The following XPNPEP3 variants were observed in gnomAD, a reference collection of about 807,000 sequenced individuals.
XPNPEP3 encodes xaa-Pro aminopeptidase 3.
XPNPEP3 carries 41 observed loss-of-function variants against 60.0 expected under a neutral mutation model. That is an observed-to-expected ratio of 0.68 (90% CI 0.53 to 0.89). The LOEUF (loss-of-function observed/expected upper bound fraction) is 0.89. Ranked by LOEUF, XPNPEP3 falls within the 40% of genes least tolerant of loss-of-function variation. The probability of loss-of-function intolerance (pLI) is 0.00; values close to 1 mark genes in which losing one functional copy is unlikely to be tolerated. For missense variants in XPNPEP3, 598 were observed against 638.9 expected (o/e 0.94, Z 0.69); for synonymous variants, 212 against 223.2 (o/e 0.95, Z 0.45).
At chr22:40,893,505 CAAAAAAAAAAA>C (rs764114832) in intron 4 of XPNPEP3, among the ~76,000 whole-genome samples, 4 of 40,252 alleles carry the variant, frequency 9.9e-5, no homozygotes, top group East Asian at 7.9e-4. Context: ...AACTCTATCT[CAAAAAAAAAAA>C]AAAAAAAAAA....
chr22:40,918,270 A>G (rs919494465), intron 7 of XPNPEP3, among the ~76,000 whole-genome samples: 4 of 152,096 alleles, frequency 2.6e-5, no homozygotes, highest in Non-Finnish European at 4.4e-5. Flanking sequence ...GCTACTTAGG[A>G]TGCTGAGGTG....
chr22:40,886,239 G>T lies in XPNPEP3; in HGVS notation c.590-74G>T. 11 of 1,480,602 alleles carry T rather than the reference G, an allele frequency of 7.4e-6. No individual in the cohort carries two copies. The South Asian group carries it at 1.2e-4, about 17-fold the overall frequency. 91.7% of individuals were successfully genotyped at this position (1,480,602 alleles called of 1,614,324 possible). A position where few individuals can be genotyped will look rare whatever the true frequency, so the allele number is the denominator to read the frequency against. On this transcript the variant is annotated intron_variant, in intron 3 of 9. Transcript: ENST00000357137. The stretch of plus-strand genomic sequence containing the variant: ...TTTTATAGTTTTGACTCTTGTTCAA[G>T]TCGTTATGACAGTTGATATTTCTTG...
chr22:40,907,164 G>A (rs1297769158), intron 4 of XPNPEP3: 1 of 457,466 alleles, frequency 2.2e-6, no homozygotes, highest in Admixed American at 2.3e-5. Flanking sequence ...GCTCACGCCT[G>A]TATTCCCATC....
chr22:40,909,102 C>T lies in XPNPEP3; in HGVS notation c.856-20C>T, dbSNP rs1044799883. On this transcript the variant is annotated intron_variant, in intron 5 of 9. Transcript: ENST00000357137. Reference sequence around the variant, plus strand: ...GCCCTACAGAAACCCTTTGTCATACCTTGCTGTTGTTTTTCACAGTTTGAA... The same window carrying T: ...GCCCTACAGAAACCCTTTGTCATACTTTGCTGTTGTTTTTCACAGTTTGAA... The T allele has an allele frequency of 1.2e-6, 2 of 1,611,472 alleles. No homozygotes were observed. Among genetic ancestry groups the T allele is most frequent in the Admixed American group, 1.7e-5 (1 of 59,984 alleles).
chr22:40,891,129 G>A (rs1451247786), intron 4 of XPNPEP3, among the ~76,000 whole-genome samples: 2 of 136,676 alleles, frequency 1.5e-5, no homozygotes, highest in East Asian at 4.3e-4. Context: ...GATCACTTGA[G>A]CCCAGGAGTT....
chr22:40,925,226 A>G (rs2146282820), intron 9 of XPNPEP3, among the ~76,000 whole-genome samples: 1 of 152,368 alleles, frequency 6.6e-6, no homozygotes, highest in East Asian at 1.9e-4. Context: ...TAAGCTTCAG[A>G]GAAAGCTAAC....
chr22:40,901,618 A>C (rs1353498638), intron 4 of XPNPEP3, among the ~76,000 whole-genome samples: 1 of 152,112 alleles, frequency 6.6e-6, no homozygotes, highest in Non-Finnish European at 1.5e-5. Flanking sequence ...AGGCGGAGCT[A>C]CTTGCGCTAC....
chr22:40,929,617 G>C lies in XPNPEP3; in HGVS notation c.*3182G>C, dbSNP rs1177509336. 6.6e-6 allele frequency: 1 copy of C among 152,160 alleles called. No individual in the cohort carries two copies. Among genetic ancestry groups the C allele is most frequent in the Non-Finnish European group, 1.5e-5 (1 of 68,040 alleles). 9.4% of individuals were successfully genotyped at this position (152,160 alleles called of 1,614,324 possible). ...TCAAGTTCTATAGGTGTTATTGGTA[G>C]GCAGAAAGGCTGTTGTAGAATTCTT... On this transcript the variant is annotated 3_prime_UTR_variant, in exon 10 of 10. Coordinates refer to ENST00000357137, the MANE Select transcript of XPNPEP3 (RefSeq NM_022098.4).
Position 40,869,070 on chromosome 22 carries a change from T to C in XPNPEP3, c.136T>C (p.Leu46=). The C allele has an allele frequency of 6.2e-7, 1 of 1,614,096 alleles. No homozygotes were observed. The highest frequency in any genetic ancestry group is 8.5e-7 in the Non-Finnish European group (1 of 1,179,960). ...AGAAAGGAGGATTCCAAACCGATAC[T>C]TAGGCCAGCCCAGCCCCTTTACACA... is the stretch of plus-strand genomic sequence containing the variant. ...VPERRIPNRY[L]GQPSPFTHPH... is the part of the protein sequence containing the mutation. Residue 46 remains leucine (L), a synonymous_variant, in exon 2 of 10, where the codon TTA becomes CTA. Coordinates refer to ENST00000357137, the MANE Select transcript of XPNPEP3 (RefSeq NM_022098.4).
chr22:40,870,236 T>G, intron 2 of XPNPEP3: 1 of 294,350 alleles, frequency 3.4e-6, no homozygotes, highest in Non-Finnish European at 6.8e-6. Flanking sequence ...GTAGAATTGA[T>G]AGTTTTACCA....
intron 4 of XPNPEP3, among the ~76,000 whole-genome samples, chr22:40,900,818 A>G (rs1449712089): frequency 1.3e-5 from 2 of 152,000 alleles, no homozygotes; most frequent in African/African-American, 4.8e-5. Flanking sequence ...CTGTAATTTC[A>G]GCTACTCACG....
At chr22:40,904,263 A>G (rs999813767) in intron 4 of XPNPEP3, among the ~76,000 whole-genome samples, 3 of 152,230 alleles carry the variant, frequency 2.0e-5, no homozygotes, top group Non-Finnish European at 4.4e-5. Context: ...CTGTAAAGAA[A>G]TTGACTCATA....
rs909058295 is a variant in XPNPEP3 at position 40,863,209 on chromosome 22, C to T, written c.65-5790C>T. 2.0e-5 allele frequency among the ~76,000 whole-genome samples: 3 copies of T among 152,290 alleles called. No homozygotes were observed. The East Asian group carries it at 5.8e-4, about 29-fold the overall frequency. On this transcript the variant is annotated intron_variant, in intron 1 of 9. Transcript: ENST00000357137. ...GATGTGATTTACATTTGTAATGGAT[C>T]AGTGGCTACTATTTGGAAATTCAGT...
Position 40,907,580 on chromosome 22 carries a change from T to A in XPNPEP3, c.793-7T>A, listed in dbSNP as rs964033957. On this transcript the variant is annotated splice_polypyrimidine_tract_variant and splice_region_variant and intron_variant, in intron 4 of 9. Coordinates refer to ENST00000357137, the MANE Select transcript of XPNPEP3 (RefSeq NM_022098.4). ...CGTGTTCTTTTCATCCTCCTTTCTC[T>A]TTGCAGGCTTTCATAGAAACCATGT... is the stretch of plus-strand genomic sequence containing the variant. 26 of 1,613,412 alleles carry A rather than the reference T, an allele frequency of 1.6e-5. No homozygotes were observed. Among genetic ancestry groups the A allele is most frequent in the Non-Finnish European group, 2.1e-5 (25 of 1,179,466 alleles).
intron 4 of XPNPEP3, among the ~76,000 whole-genome samples, chr22:40,898,224 C>CCTTTTTT (rs1405343173): frequency 2.8e-5 from 2 of 70,228 alleles, no homozygotes; most frequent in Non-Finnish European, 5.5e-5. Flanking sequence ...GTCTTTGACC[C>CCTTTTTT]ATTTTTTTTT....
chr22:40,895,701 A>G (rs1382770323), intron 4 of XPNPEP3, among the ~76,000 whole-genome samples: 1 of 151,998 alleles, frequency 6.6e-6, no homozygotes, highest in Non-Finnish European at 1.5e-5. Context: ...TGAACCCTGG[A>G]CTCTCACATT....
At chr22:40,905,631 TGGGA>T (rs1184247358) in intron 4 of XPNPEP3, among the ~76,000 whole-genome samples, 3 of 152,148 alleles carry the variant, frequency 2.0e-5, no homozygotes, top group Admixed American at 2.0e-4. Flanking sequence ...CTAATTTAGA[TGGGA>T]TAGTCGGGAA....
chr22:40,925,138 T>C (rs2058230404), intron 9 of XPNPEP3, among the ~76,000 whole-genome samples: 1 of 152,194 alleles, frequency 6.6e-6, no homozygotes. Flanking sequence ...CACACTATGC[T>C]CTCAGTTTCA....
chr22:40,903,860 C>G (rs1253617493), intron 4 of XPNPEP3, among the ~76,000 whole-genome samples: 1 of 119,190 alleles, frequency 8.4e-6, no homozygotes, highest in Admixed American at 1.1e-4. Context: ...TCCCTCCCCC[C>G]ATCTCTCTCT....
Sources: gnomAD v4.1 joint callset for allele counts (sites outside exome capture counted in the v4.1 genomes callset) on GRCh38, gnomAD v4.1.1 for gene constraint, MANE v1.5 for transcripts, NCBI Gene and HGNC (gene_info 2026-07-23, HGNC 2026-07-21) for gene names.